HNF4G: variants seen among roughly 807,000 people sequenced by gnomAD.
HNF4G encodes the protein hepatocyte nuclear factor 4 gamma.
HNF4G carries 21 observed loss-of-function variants against 50.9 expected under a neutral mutation model. The ratio of observed to expected loss-of-function variants is 0.41; its 90% CI spans 0.29 to 0.59. HNF4G has a LOEUF of 0.59. HNF4G is among the 20% of genes least tolerant of loss of function. The pLI is 0.26. For missense variants in HNF4G, 527 were observed against 559.4 expected (o/e 0.94, Z 0.58); for synonymous variants, 198 against 185.6 (o/e 1.07, Z -0.54).
At chr8:75,545,721 T>A (rs766057367) in intron 2 of HNF4G, among the ~76,000 whole-genome samples, 12 of 152,140 alleles carry the variant, frequency 7.9e-5, no homozygotes, top group Non-Finnish European at 1.5e-4. Context: ...GTTATGTTTT[T>A]CACATTATGT....
intron 1 of HNF4G, among the ~76,000 whole-genome samples, chr8:75,420,747 T>C (rs1810756565): frequency 6.6e-6 from 1 of 152,222 alleles, no homozygotes; most frequent in East Asian, 1.9e-4. Context: ...GACTGGGAGG[T>C]CTCAGCAGCA....
intron 2 of HNF4G, among the ~76,000 whole-genome samples, chr8:75,517,625 TTA>T (rs1178538763): frequency 3.9e-5 from 6 of 152,096 alleles, no homozygotes; most frequent in Non-Finnish European, 8.8e-5. Context: ...CAGGTCACTC[TTA>T]TACAAGAGGT....
At chr8:75,494,853 C>T (rs899467453) in intron 2 of HNF4G, among the ~76,000 whole-genome samples, 1 of 151,948 alleles carries the variant, frequency 6.6e-6, no homozygotes. Flanking sequence ...ATAAACATCT[C>T]TACTTTAAAA....
chr8:75,408,438 G>T (rs1050493240), intron 1 of HNF4G, among the ~76,000 whole-genome samples: 3 of 152,064 alleles, frequency 2.0e-5, no homozygotes, highest in African/African-American at 7.2e-5. Flanking sequence ...GTAGGTGCTT[G>T]GTCCTGCAGC....
chr8:75,519,839 C>CGTGTGT (rs35154891), intron 2 of HNF4G, among the ~76,000 whole-genome samples: 75 of 149,912 alleles, frequency 5.0e-4, no homozygotes, highest in Non-Finnish European at 8.9e-4. Flanking sequence ...TGCATGTGAG[C>CGTGTGT]GTGTGTGTGT....
intron 2 of HNF4G, among the ~76,000 whole-genome samples, chr8:75,524,410 C>T (rs1806127999): frequency 2.0e-5 from 3 of 152,110 alleles, no homozygotes; most frequent in Non-Finnish European, 1.5e-5. Flanking sequence ...CAAGAAATCA[C>T]ATGATCACTC....
At chr8:75,505,961 T>C (rs1353425301) in intron 2 of HNF4G, among the ~76,000 whole-genome samples, 1 of 152,032 alleles carries the variant, frequency 6.6e-6, no homozygotes, top group African/African-American at 2.4e-5. Context: ...TCTCTAGAGT[T>C]CAAGATTCTT....
At chr8:75,553,640 T>C (rs1453523908) in intron 5 of HNF4G, among the ~76,000 whole-genome samples, 4 of 152,140 alleles carry the variant, frequency 2.6e-5, no homozygotes, top group Non-Finnish European at 4.4e-5. Flanking sequence ...ACACAGGTTG[T>C]GGTGTTGTCT....
chr8:75,500,303 A>G (rs1258214264), intron 2 of HNF4G, among the ~76,000 whole-genome samples: 1 of 152,190 alleles, frequency 6.6e-6, no homozygotes, highest in African/African-American at 2.4e-5. Flanking sequence ...GGAAAATGCA[A>G]TTTAAAACAA....
At chr8:75,439,020 G>T (rs1380690) in intron 1 of HNF4G, among the ~76,000 whole-genome samples, 6,135 of 151,884 alleles carry the variant, frequency 0.04, 322 homozygotes, top group African/African-American at 0.11. Context: ...CCGTGCATGT[G>T]TATTCATTGT....
intron 1 of HNF4G, among the ~76,000 whole-genome samples, chr8:75,465,934 C>T (rs2130618139): frequency 6.6e-6 from 1 of 152,114 alleles, no homozygotes; most frequent in South Asian, 2.1e-4. Context: ...CACTTTGTTC[C>T]TTCCTAGTCA....
upstream of HNF4G, chr8:75,539,767 C>T (rs71529221): frequency 0.059 from 27,263 of 462,700 alleles, 1,044 homozygotes; most frequent in Non-Finnish European, 0.074. Flanking sequence ...CTTTCATATG[C>T]CATAAAAGAA....
Position 75,414,477 on chromosome 8 carries a change from T to C in HNF4G, c.-144+6315T>C, listed in dbSNP as rs191770146. Among the ~76,000 whole-genome samples the C allele has an allele frequency of 2.0e-4, 30 of 152,280 alleles. No homozygotes were observed. In the East Asian group the frequency reaches 5.6e-3, roughly 28 times the overall value. On this transcript the variant is annotated intron_variant, in intron 1 of 10. Coordinates refer to the HNF4G transcript ENST00000354370. Reference sequence around the variant, plus strand: ...ACCCATGAAATCACCACAGTAAAGATAGTGAATATAGCCAACACCTCCAAA... The same window carrying C: ...ACCCATGAAATCACCACAGTAAAGACAGTGAATATAGCCAACACCTCCAAA...
chr8:75,410,377 T>C (rs944480404), intron 1 of HNF4G, among the ~76,000 whole-genome samples: 13 of 152,180 alleles, frequency 8.5e-5, no homozygotes, highest in African/African-American at 2.9e-4. Flanking sequence ...TGATTCCTCA[T>C]TGTTGGGAAT....
intron 2 of HNF4G, among the ~76,000 whole-genome samples, chr8:75,498,148 A>G (rs1367085672): frequency 2.0e-5 from 3 of 152,054 alleles, no homozygotes; most frequent in East Asian, 1.9e-4. Flanking sequence ...TAAATAAATA[A>G]TATTTTTCTA....
intron 1 of HNF4G, among the ~76,000 whole-genome samples, chr8:75,453,710 A>G (rs370587723): frequency 6.6e-6 from 1 of 152,048 alleles, no homozygotes; most frequent in East Asian, 1.9e-4. Context: ...GAAGGAACCA[A>G]CTCTGGACAC....
At chr8:75,526,616 C>T (rs1439886112) in intron 2 of HNF4G, among the ~76,000 whole-genome samples, 1 of 152,008 alleles carries the variant, frequency 6.6e-6, no homozygotes, top group African/African-American at 2.4e-5. Context: ...TCACTGCAGC[C>T]TTGACCTCCC....
chr8:75,479,906 G>T (rs1276093951), intron 1 of HNF4G, among the ~76,000 whole-genome samples: 1 of 151,690 alleles, frequency 6.6e-6, no homozygotes, highest in Non-Finnish European at 1.5e-5. Flanking sequence ...AATTGATTAG[G>T]ATATACCATA....
chr8:75,515,205 G>T (rs1805858351), intron 2 of HNF4G, among the ~76,000 whole-genome samples: 1 of 152,066 alleles, frequency 6.6e-6, no homozygotes. Context: ...TAAGCTGTTT[G>T]TCTTTGTGCA....
Sources: allele counts gnomAD v4.1 joint callset (sites outside exome capture counted in the v4.1 genomes callset), GRCh38; gene constraint gnomAD v4.1.1; transcripts MANE v1.5; gene names NCBI Gene and HGNC (gene_info 2026-07-23, HGNC 2026-07-21).